PRKCZ: variants seen among roughly 807,000 people sequenced by gnomAD.
The protein encoded by PRKCZ is protein kinase C zeta.
PRKCZ carries 33 observed loss-of-function variants against 79.5 expected under a neutral mutation model. The observed-to-expected ratio is 0.41, with a 90% CI of 0.31 to 0.55. The LOEUF (loss-of-function observed/expected upper bound fraction) is 0.55, where lower values mean the gene tolerates loss of function less well. Among genes scored for constraint, PRKCZ ranks in the 20% least tolerant of loss-of-function variants. The pLI is 0.19. For missense variants in PRKCZ, 578 were observed against 813.5 expected (o/e 0.71, Z 3.52); for synonymous variants, 342 against 320.9 (o/e 1.07, Z -0.70).
chr1:2,090,294 G>A (rs1236964535), intron 4 of PRKCZ, among the ~76,000 whole-genome samples: 1 of 152,200 alleles, frequency 6.6e-6, no homozygotes, highest in Non-Finnish European at 1.5e-5. Context: ...TGGCCTGGCC[G>A]GTCTGCAGTC....
intron 1 of PRKCZ, among the ~76,000 whole-genome samples, chr1:2,054,941 A>ATTT (rs552863793): frequency 8.1e-6 from 1 of 123,634 alleles, no homozygotes; most frequent in Non-Finnish European, 1.8e-5. Flanking sequence ...GATGGTGGTC[A>ATTT]TTTTTTTTTT....
chr1:2,184,297 CA>C (rs1387976872), intron 16 of PRKCZ: 3 of 372,884 alleles, frequency 8.0e-6, no homozygotes, highest in African/African-American at 6.3e-5. Context: ...AGGACCCCCC[CA>C]AGGAAGGGGG....
chr1:2,079,548 G>A lies in PRKCZ; in HGVS notation c.334+19957G>A, dbSNP rs113543219. Among the ~76,000 whole-genome samples, 1,276 of 152,300 alleles carry A rather than the reference G, an allele frequency of 8.4e-3. 16 individuals are homozygous for A. The highest frequency in any genetic ancestry group is 0.03 in the African/African-American group (1,231 of 41,554). ...GACCTCGGCCACAACGCTGTCCACC[G>A]TGTCCCGGACCCTCATAAGTGAGCG... On this transcript the variant is annotated intron_variant, in intron 4 of 17. Transcript: ENST00000378567.
At chr1:2,158,295 C>T (rs968065722) in intron 10 of PRKCZ, among the ~76,000 whole-genome samples, 1 of 152,176 alleles carries the variant, frequency 6.6e-6, no homozygotes, top group Non-Finnish European at 1.5e-5. Flanking sequence ...AAGTCTTTTT[C>T]CTGCCTCAAA....
At chr1:2,156,394 C>G (rs1467269701) in intron 10 of PRKCZ, 7 of 297,910 alleles carry the variant, frequency 2.3e-5, no homozygotes, top group African/African-American at 4.3e-5. Context: ...GATTTCTGTG[C>G]TTATTAAAAT....
Position 2,128,935 on chromosome 1 carries a change from C to G in PRKCZ, c.335-6327C>G, listed in dbSNP as rs1457368390. Among the ~76,000 whole-genome samples, 2 of 152,140 alleles carry G rather than the reference C, an allele frequency of 1.3e-5. No homozygotes were observed. Among genetic ancestry groups the G allele is most frequent in the Non-Finnish European group, 2.9e-5 (2 of 68,030 alleles). ...AGGGGCCGTTTCCAGAGCACACTCC[C>G]CAGAAGGGCTCCCTTCTCCTTTTCA... On this transcript the variant is annotated intron_variant, in intron 4 of 17. Transcript: ENST00000378567. This position sits in a 1 kb window ranked among gnomAD's most constrained non-coding sequence, Gnocchi z 6.5.
intron 4 of PRKCZ, among the ~76,000 whole-genome samples, chr1:2,116,682 T>C (rs1207273822): frequency 6.6e-6 from 1 of 152,192 alleles, no homozygotes; most frequent in African/African-American, 2.4e-5. Context: ...TTTCTTCTGC[T>C]TTATAATCAC....
intron 10 of PRKCZ, among the ~76,000 whole-genome samples, chr1:2,162,554 CCTCTTTCAGGAGA>C (rs1222871051): frequency 2.6e-5 from 4 of 152,194 alleles, no homozygotes; most frequent in Admixed American, 2.6e-4. Flanking sequence ...TCACTCACAT[CCTCTTTCAGGAGA>C]CTCTTGAAGT....
chr1:2,110,698 C>T (rs1669559220), intron 4 of PRKCZ, among the ~76,000 whole-genome samples: 1 of 151,950 alleles, frequency 6.6e-6, no homozygotes, highest in South Asian at 2.1e-4. Context: ...TGACTGTGGG[C>T]CTCTGCCTGA....
At chr1:2,088,218 C>G (rs962247239) in intron 4 of PRKCZ, among the ~76,000 whole-genome samples, 1 of 152,182 alleles carries the variant, frequency 6.6e-6, no homozygotes, top group Non-Finnish European at 1.5e-5. Flanking sequence ...CCCAGCACAC[C>G]TGAGAAGAGG....
Position 2,149,885 on chromosome 1 carries a change from G to A in PRKCZ, c.688-905G>A, listed in dbSNP as rs1241600238. Among the ~76,000 whole-genome samples, 1 of 151,400 alleles carries A rather than the reference G, an allele frequency of 6.6e-6. No homozygotes were observed. The highest frequency in any genetic ancestry group is 2.4e-5 in the African/African-American group (1 of 41,130). ...CAAAAAAAGCAGAATCCGGCTGGGC[G>A]CGGTGGCTCACGCCTGTAATCCCAG... On this transcript the variant is annotated intron_variant, in intron 8 of 17. Coordinates refer to ENST00000378567, the MANE Select transcript of PRKCZ (RefSeq NM_002744.6). The surrounding 1 kb of genome is among the most constrained non-coding windows in gnomAD (Gnocchi z 4.1).
At chr1:2,056,451 G>A (rs780277213) in intron 2 of PRKCZ, 33 bp from the exon 3 acceptor site, 32 of 1,593,962 alleles carry the variant, frequency 2.0e-5, no homozygotes, top group Admixed American at 5.1e-5. Context: ...TCGGGCCTTC[G>A]GCGACGTCAG....
intron 4 of PRKCZ, among the ~76,000 whole-genome samples, chr1:2,108,163 C>T (rs995074797): frequency 6.6e-6 from 1 of 152,394 alleles, no homozygotes; most frequent in African/African-American, 2.4e-5. Flanking sequence ...ATGCCGCACT[C>T]GAGTACCCGT....
intron 4 of PRKCZ, among the ~76,000 whole-genome samples, chr1:2,060,168 TCTCCAGACCCCACACGGC>T (rs1400971422): frequency 3.7e-4 from 57 of 152,216 alleles, no homozygotes; most frequent in African/African-American, 1.3e-3. Context: ...CCACCCCCAC[TCTCCAGACCCCACACGGC>T]CTCCAGCATC....
intron 4 of PRKCZ, among the ~76,000 whole-genome samples, chr1:2,097,256 G>A (rs1377801030): frequency 6.6e-6 from 1 of 152,218 alleles, no homozygotes; most frequent in Non-Finnish European, 1.5e-5. Flanking sequence ...TCCGGTGCAG[G>A]CCACATGGCC....
chr1:2,184,776 G>A (rs1687314195), intron 17 of PRKCZ, 78 bp downstream of exon 17: 1 of 1,462,426 alleles, frequency 6.8e-7, no homozygotes, highest in Non-Finnish European at 9.4e-7. Flanking sequence ...GGCAGCTGGT[G>A]ACCCAGCCTG....
chr1:2,119,774 T>C (rs568496617), intron 4 of PRKCZ, among the ~76,000 whole-genome samples: 1 of 147,340 alleles, frequency 6.8e-6, no homozygotes, highest in Admixed American at 6.8e-5. Context: ...TAATTCTTTT[T>C]ATTTCTTTTC....
chr1:2,073,092 G>C (rs1661758876), intron 4 of PRKCZ, among the ~76,000 whole-genome samples: 1 of 152,154 alleles, frequency 6.6e-6, no homozygotes, highest in Non-Finnish European at 1.5e-5. Context: ...GTCTCCCTAG[G>C]AGCCCGGGCT....
rs1666112433 is a variant in PRKCZ at position 2,094,588 on chromosome 1, GCGCCCGC to G, written c.334+34998_334+35004del. ...AACCTTGGGCGCTGCCCGTTCTGAG[GCGCCCGC>G]TGTGCCCGGCTCGATGAACCTTGGG... On this transcript the variant is annotated intron_variant, in intron 4 of 17. Transcript: ENST00000378567. The surrounding 1 kb of genome is among the most constrained non-coding windows in gnomAD (Gnocchi z 7.3). Among the ~76,000 whole-genome samples, 3 of 96,494 alleles carry G rather than the reference GCGCCCGC, an allele frequency of 3.1e-5. No homozygotes were observed. The highest frequency in any genetic ancestry group is 1.9e-4 in the Admixed American group (2 of 10,396). 63.3% of individuals were successfully genotyped at this position (96,494 alleles called of 152,430 possible).
Sources: gnomAD v4.1 joint callset for allele counts (sites outside exome capture counted in the v4.1 genomes callset) on GRCh38, gnomAD v4.1.1 for gene constraint, Gnocchi (gnomAD v3.1) non-coding constraint, MANE v1.5 for transcripts, NCBI Gene and HGNC (gene_info 2026-07-23, HGNC 2026-07-21) for gene names.